Variants in OGFOD1 observed in about 807,000 individuals in gnomAD.
The protein encoded by OGFOD1 is prolyl 3-hydroxylase OGFOD1.
OGFOD1 carries 54 observed loss-of-function variants against 67.7 expected under a neutral mutation model. That is an observed-to-expected ratio of 0.80 (90% CI 0.64 to 1.00). OGFOD1 has a LOEUF of 1.00. OGFOD1 is among the 50% of genes least tolerant of loss of function. The pLI is 0.00. For synonymous variants in OGFOD1, 221 were observed against 227.0 expected, an observed-to-expected ratio of 0.97 and a Z score of 0.24; for missense variants, 606 against 646.7, an observed-to-expected ratio of 0.94 and a Z score of 0.68.
chr16:56,477,174 GTTC>G lies in OGFOD1; in HGVS notation c.*974_*976del, dbSNP rs1963520936. ...AAAACATAAGTGATTGCAGAATTTT[GTTC>G]TTCTCATAATTTCTGGTTTAGAAAA... is the stretch of plus-strand genomic sequence containing the variant. On this transcript the variant is annotated 3_prime_UTR_variant, in exon 13 of 13. Coordinates refer to ENST00000566157, the MANE Select transcript of OGFOD1 (RefSeq NM_018233.4). The G allele has an allele frequency of 6.6e-6, 1 of 152,030 alleles. No homozygotes were observed. The highest frequency in any genetic ancestry group is 2.4e-5 in the African/African-American group (1 of 41,392). The allele number at this position is 152,030 out of a possible 1,614,324, so 9.4% of individuals were successfully genotyped here. A position where few individuals can be genotyped will look rare whatever the true frequency, so the allele number is the denominator to read the frequency against.
rs113054734 is a variant in OGFOD1 at position 56,469,397 on chromosome 16, T to A, written c.901-606T>A. 5.5e-3 allele frequency among the ~76,000 whole-genome samples: 838 copies of A among 152,332 alleles called. 5 individuals are homozygous for A. Among genetic ancestry groups the A allele is most frequent in the Non-Finnish European group, 7.7e-3 (527 of 68,032 alleles). On this transcript the variant is annotated intron_variant, in intron 8 of 12. Coordinates refer to ENST00000566157, the MANE Select transcript of OGFOD1 (RefSeq NM_018233.4). The stretch of plus-strand genomic sequence containing the variant: ...GGTCTGTATTATGATCCTCATTTTA[T>A]AAATGCAGCAGTCTGGGAGGTTGAG...
At chr16:56,458,715 A>G in intron 3 of OGFOD1, 121 bp downstream of exon 3, 1 of 773,330 alleles carries the variant, frequency 1.3e-6, no homozygotes, top group Middle Eastern at 3.4e-4. Context: ...CCCACTTTGT[A>G]GAGGAGGAAA....
chr16:56,475,998 G>A (rs200731732), intron 12 of OGFOD1, 46 bp from the exon 13 acceptor site: 270 of 1,529,356 alleles, frequency 1.8e-4, no homozygotes, highest in Non-Finnish European at 2.3e-4. Context: ...CAAGATTTGA[G>A]AATAAGTTCT....
chr16:56,467,155 C>G lies in OGFOD1; in HGVS notation c.658-10C>G. 1 of 1,614,120 alleles carries G rather than the reference C, an allele frequency of 6.2e-7. No individual in the cohort carries two copies. Among genetic ancestry groups the G allele is most frequent in the South Asian group, 1.1e-5 (1 of 91,070 alleles). On this transcript the variant is annotated splice_polypyrimidine_tract_variant and intron_variant, in intron 6 of 12. Coordinates refer to ENST00000566157, the MANE Select transcript of OGFOD1 (RefSeq NM_018233.4). ...TTCGTGTTGATGTGCTACTGGGCTT[C>G]TCCTTTCAGGTGTCTGAAGTGCTGT...
chr16:56,452,656 G>A (rs1962381071), intron 1 of OGFOD1, among the ~76,000 whole-genome samples: 1 of 152,160 alleles, frequency 6.6e-6, no homozygotes, highest in Non-Finnish European at 1.5e-5. Flanking sequence ...GAGTGATAAT[G>A]TCTCCCTCAG....
At chr16:56,462,102 AAAAG>A (rs1311287664) in intron 3 of OGFOD1, among the ~76,000 whole-genome samples, 36 of 152,006 alleles carry the variant, frequency 2.4e-4, no homozygotes, top group African/African-American at 3.6e-4. Context: ...CAAAAAAAAA[AAAAG>A]AAAGAAAAGA....
intron 4 of OGFOD1, among the ~76,000 whole-genome samples, chr16:56,464,146 T>C (rs1962818187): frequency 6.6e-6 from 1 of 152,218 alleles, no homozygotes; most frequent in Non-Finnish European, 1.5e-5. Flanking sequence ...TTTGGAAAAC[T>C]TGCTTCAGTT....
At position 56,454,948 on chromosome 16, in the gene OGFOD1, C is replaced by T. The variant is rs185527784; in HGVS notation, c.300+1540C>T. The stretch of plus-strand genomic sequence containing the variant: ...TAAGGTTGCACAGGTTAATTAAAAA[C>T]CGCAGTTACCTGCTGTTGTGATTAT... On this transcript the variant is annotated intron_variant, in intron 2 of 12. Coordinates refer to ENST00000566157, the MANE Select transcript of OGFOD1 (RefSeq NM_018233.4). 8.4e-5 allele frequency: 17 copies of T among 202,664 alleles called. 1 individual carries two copies. The East Asian group carries it at 2.6e-3, about 31-fold the overall frequency. The allele number at this position is 202,664 out of a possible 1,614,324, so 12.6% of individuals were successfully genotyped here. A position where few individuals can be genotyped will look rare whatever the true frequency, so the allele number is the denominator to read the frequency against.
chr16:56,466,080 T>C (rs1478880249), intron 4 of OGFOD1, 72 bp from the exon 5 acceptor site: 1 of 1,026,290 alleles, frequency 9.7e-7, no homozygotes, highest in South Asian at 1.3e-5. Context: ...AACGGACTGA[T>C]ATTAAATGCA....
Position 56,470,068 on chromosome 16 carries a change from TC to T in OGFOD1, c.971del (p.Pro324LeufsTer18), listed in dbSNP as rs763147888. On this transcript the variant is annotated frameshift_variant, in exon 9 of 13. Transcript: ENST00000566157. LOFTEE classifies it high-confidence loss of function. ...GACATGTGGAATGGAGCAGCCGAGG[TC>T]CCCCTAACAAAAGGTAGAACCCGTC... The part of the protein sequence containing the change: ...HGHVEWSSRG[P>X]PNKRFYEKAE... 13 of 1,613,648 alleles carry T rather than the reference TC, an allele frequency of 8.1e-6. No homozygotes were observed. In the South Asian group the frequency reaches 1.3e-4, roughly 16 times the overall value.
chr16:56,466,508 G>A (rs1374975762), intron 5 of OGFOD1, among the ~76,000 whole-genome samples: 1 of 152,198 alleles, frequency 6.6e-6, no homozygotes, highest in African/African-American at 2.4e-5. Context: ...GAAATAGTCA[G>A]ACCAAGCTTC....
At chr16:56,464,233 T>C (rs1291778208) in intron 4 of OGFOD1, among the ~76,000 whole-genome samples, 1 of 152,236 alleles carries the variant, frequency 6.6e-6, no homozygotes. Context: ...TAATCCTGTA[T>C]TCTTTTCACT....
chr16:56,470,900 T>C, intron 10 of OGFOD1, 109 bp downstream of exon 10: 2 of 1,144,934 alleles, frequency 1.7e-6, no homozygotes, highest in Non-Finnish European at 1.2e-6. Flanking sequence ...TAAGCCCTAT[T>C]TCAGGAACTG....
intron 10 of OGFOD1, among the ~76,000 whole-genome samples, chr16:56,472,013 G>C (rs1963214650): frequency 1.3e-5 from 2 of 152,138 alleles, no homozygotes; most frequent in South Asian, 2.1e-4. Flanking sequence ...CCAGGCTGGA[G>C]TGCAGTGGTG....
Position 56,474,694 on chromosome 16 carries a change from T to C in OGFOD1, c.1286-134T>C, listed in dbSNP as rs531736817. 316 of 653,876 alleles carry C rather than the reference T, an allele frequency of 4.8e-4. 3 individuals carry two copies. In the South Asian group the frequency reaches 5.8e-3, roughly 12 times the overall value. The allele number at this position is 653,876 out of a possible 1,614,324, so 40.5% of individuals were successfully genotyped here. A position where few individuals can be genotyped will look rare whatever the true frequency, so the allele number is the denominator to read the frequency against. On this transcript the variant is annotated intron_variant, in intron 10 of 12. Transcript: ENST00000566157. The stretch of plus-strand genomic sequence containing the variant: ...CTTTTATAAGGCTGGATTGGTAGAA[T>C]AGCACTTCAATCAAAGGTTTGTGGG...
chr16:56,458,780 C>T (rs1457590664), intron 3 of OGFOD1, 186 bp downstream of exon 3: 3 of 561,564 alleles, frequency 5.3e-6, no homozygotes, highest in Non-Finnish European at 9.5e-6. Flanking sequence ...AGCATACAAA[C>T]CTAAGTCTGT....
intron 1 of OGFOD1, 76 bp from the exon 2 acceptor site, chr16:56,453,187 A>G (rs1962400435): frequency 3.4e-6 from 5 of 1,458,766 alleles, no homozygotes; most frequent in Non-Finnish European, 4.6e-6. Context: ...CCCCTTTTGT[A>G]TTAGCTCTGC....
chr16:56,475,618 A>G lies in OGFOD1; in HGVS notation c.1467+53A>G, dbSNP rs1199588340. ...ATTTTTAGTTATTGAGAATGCTTTC[A>G]TTTTTCAAAGACCCAATTTTTATGA... On this transcript the variant is annotated intron_variant, in intron 12 of 12. Coordinates refer to ENST00000566157, the MANE Select transcript of OGFOD1 (RefSeq NM_018233.4). 1.0e-5 allele frequency: 16 copies of G among 1,546,084 alleles called. No homozygotes were observed. In the African/African-American group the frequency reaches 1.9e-4, roughly 18 times the overall value.
chr16:56,476,086 T>C lies in OGFOD1; in HGVS notation c.1510T>C (p.Tyr504His), dbSNP rs371863586. 8.7e-6 allele frequency: 14 copies of C among 1,613,812 alleles called. No homozygotes were observed. Among genetic ancestry groups the C allele is most frequent in the African/African-American group, 6.7e-5 (5 of 74,934 alleles). ...AGAAAGCAATTCTTTGGCATTGGTC[T>C]ACAGAGACAGAGAGACTCTGAAATT... ...NPESNSLALV[Y>H]RDRETLKFVK... Residue 504 changes from tyrosine to histidine, a missense_variant, in exon 13 of 13, where the codon TAC becomes CAC. By Grantham distance (83) the Tyr-to-His change is moderately conservative. Coordinates refer to ENST00000566157, the MANE Select transcript of OGFOD1 (RefSeq NM_018233.4).
Sources: gnomAD v4.1 joint callset for allele counts (sites outside exome capture counted in the v4.1 genomes callset) on GRCh38, gnomAD v4.1.1 for gene constraint, MANE v1.5 for transcripts, NCBI Gene and HGNC (gene_info 2026-07-23, HGNC 2026-07-21) for gene names.